The following GPR20 variants were observed in gnomAD, a reference collection of about 807,000 sequenced individuals.
GPR20 encodes the protein G protein-coupled receptor 20, also known as CTD-3064M3.3.
For missense variants in GPR20, 494 were observed against 527.4 expected (o/e 0.94, Z 0.62); for synonymous variants, 241 against 241.9 (o/e 1.00, Z 0.04).
At chr8:141,363,930 C>A (rs1394892484) in intron 1 of GPR20, among the ~76,000 whole-genome samples, 1 of 152,222 alleles carries the variant, frequency 6.6e-6, no homozygotes, top group African/African-American at 2.4e-5. Flanking sequence ...GAGGACGGGC[C>A]CAGCCTTTTC....
intron 1 of GPR20, among the ~76,000 whole-genome samples, chr8:141,362,125 G>A (rs1831743348): frequency 6.6e-6 from 1 of 152,192 alleles, no homozygotes; most frequent in Non-Finnish European, 1.5e-5. Flanking sequence ...GCTTCTGCAG[G>A]CGAAACTACT....
intron 1 of GPR20, among the ~76,000 whole-genome samples, chr8:141,360,523 C>T (rs894434360): frequency 2.0e-5 from 3 of 152,234 alleles, no homozygotes; most frequent in Admixed American, 2.0e-4. Flanking sequence ...CCACCTGCCT[C>T]CCACAGCGAC....
chr8:141,356,600 T>C lies in GPR20; in HGVS notation c.*247A>G. 1 of 427,804 alleles carries C rather than the reference T, an allele frequency of 2.3e-6. No homozygotes were observed. Among genetic ancestry groups the C allele is most frequent in the Non-Finnish European group, 4.1e-6 (1 of 242,766 alleles). The allele number at this position is 427,804 out of a possible 1,614,324, so 26.5% of individuals were successfully genotyped here. A position where few individuals can be genotyped will look rare whatever the true frequency, so the allele number is the denominator to read the frequency against. ...AGCTCCCGGCTACCCCTGTGAGTTT[T>C]CAGTGGACGTGCTATACCCCAGGAA... is the stretch of plus-strand genomic sequence containing the variant. On this transcript the variant is annotated 3_prime_UTR_variant, in exon 2 of 2. Coordinates refer to ENST00000377741, the MANE Select transcript of GPR20 (RefSeq NM_005293.3).
chr8:141,359,283 T>A (rs1831698839), intron 1 of GPR20, among the ~76,000 whole-genome samples: 1 of 152,114 alleles, frequency 6.6e-6, no homozygotes. Flanking sequence ...TGGGGAACAA[T>A]GAGCCCTGCC....
chr8:141,363,696 G>T (rs1396889528), intron 1 of GPR20, among the ~76,000 whole-genome samples: 1 of 152,240 alleles, frequency 6.6e-6, no homozygotes, highest in Non-Finnish European at 1.5e-5. Flanking sequence ...TGGCCGGTGG[G>T]TGGGGAGGGC....
chr8:141,359,847 G>A (rs984052402), intron 1 of GPR20, among the ~76,000 whole-genome samples: 9 of 152,344 alleles, frequency 5.9e-5, no homozygotes, highest in Admixed American at 1.3e-4. Flanking sequence ...AGGTCGAGGC[G>A]GCTTTGCAGC....
intron 1 of GPR20, among the ~76,000 whole-genome samples, chr8:141,360,236 C>CT (rs1831713051): frequency 6.6e-6 from 1 of 152,242 alleles, no homozygotes; most frequent in South Asian, 2.1e-4. Flanking sequence ...CACTAAGGGT[C>CT]TGACCCTGAT....
intron 1 of GPR20, 108 bp downstream of exon 1, chr8:141,367,093 A>C (rs1831825146): frequency 1.3e-5 from 2 of 151,216 alleles, no homozygotes; most frequent in Admixed American, 6.6e-5. Flanking sequence ...TGCCCTTCCC[A>C]CTCCTGCTTG....
chr8:141,358,791 C>G (rs964863691), intron 1 of GPR20, among the ~76,000 whole-genome samples: 1 of 152,226 alleles, frequency 6.6e-6, no homozygotes, highest in Non-Finnish European at 1.5e-5. Flanking sequence ...TATGATCCCC[C>G]CAAACTACAG....
At chr8:141,359,115 G>A (rs1475008133) in intron 1 of GPR20, among the ~76,000 whole-genome samples, 2 of 151,454 alleles carry the variant, frequency 1.3e-5, no homozygotes, top group Non-Finnish European at 2.9e-5. Context: ...GGGGCCAGCA[G>A]GGTGGGGAGG....
intron 1 of GPR20, among the ~76,000 whole-genome samples, chr8:141,366,547 A>C (rs764749776): frequency 1.3e-5 from 2 of 152,192 alleles, no homozygotes; most frequent in Non-Finnish European, 2.9e-5. Flanking sequence ...GTCCACACTG[A>C]GGGCTGGCAA....
intron 1 of GPR20, among the ~76,000 whole-genome samples, chr8:141,363,742 C>T (rs1563707641): frequency 1.3e-5 from 2 of 152,238 alleles, no homozygotes; most frequent in African/African-American, 4.8e-5. Context: ...CTCAAACCCA[C>T]CCCACCAACC....
intron 1 of GPR20, among the ~76,000 whole-genome samples, chr8:141,362,469 C>T (rs116881748): frequency 0.016 from 2,439 of 152,298 alleles, 27 homozygotes; most frequent in Non-Finnish European, 0.023. Flanking sequence ...GAGCAGCACC[C>T]GTCTTCCCCC....
chr8:141,360,184 C>T (rs554711489), intron 1 of GPR20, among the ~76,000 whole-genome samples: 38 of 152,236 alleles, frequency 2.5e-4, no homozygotes, highest in African/African-American at 8.7e-4. Context: ...GAGGCCAGAC[C>T]GGAGAGGAGA....
chr8:141,357,255 C>T lies in GPR20; in HGVS notation c.669G>A (p.Leu223=), dbSNP rs1019254831. Residue 223 remains leucine, a synonymous_variant, in exon 2 of 2, where the codon CTG becomes CTA. Transcript: ENST00000377741. ...SVFTGRIMCA[L]SRPGLLHQGR... ...CCTGGTGGAGCAGACCCGGCCGCGA[C>T]AGTGCACACATGATGCGGCCGGTAA... is the stretch of plus-strand genomic sequence containing the variant. 6 of 1,544,844 alleles carry T rather than the reference C, an allele frequency of 3.9e-6. No homozygotes were observed. The highest frequency in any genetic ancestry group is 2.7e-5 in the African/African-American group (2 of 73,248).
rs778160528 is a variant in GPR20, at chr8:141,357,927, G to A, written c.-4C>T. ...CCGCTGGAGACACAGAGGGCATGAC[G>A]GCAGCCAGCACACCCCAGGCCTGGA... is the stretch of plus-strand genomic sequence containing the variant. On this transcript the variant is annotated 5_prime_UTR_variant, in exon 2 of 2. Coordinates refer to ENST00000377741, the MANE Select transcript of GPR20 (RefSeq NM_005293.3). 1.8e-5 allele frequency: 28 copies of A among 1,514,120 alleles called. No individual in the cohort carries two copies. Among genetic ancestry groups the A allele is most frequent in the Middle Eastern group, 1.7e-4 (1 of 5,824 alleles). The allele number at this position is 1,514,120 out of a possible 1,614,324, so 93.8% of individuals were successfully genotyped here.
chr8:141,358,194 A>T (rs776297769), intron 1 of GPR20, among the ~76,000 whole-genome samples: 4 of 152,258 alleles, frequency 2.6e-5, no homozygotes, highest in African/African-American at 4.8e-5. Context: ...GGCACTTGCC[A>T]GCGTGGAGAC....
At chr8:141,363,925 C>T (rs908502435) in intron 1 of GPR20, among the ~76,000 whole-genome samples, 2 of 152,232 alleles carry the variant, frequency 1.3e-5, no homozygotes, top group Non-Finnish European at 2.9e-5. Context: ...GTGTGGAGGA[C>T]GGGCCCAGCC....
At chr8:141,361,839 C>T (rs2154616602) in intron 1 of GPR20, among the ~76,000 whole-genome samples, 1 of 152,246 alleles carries the variant, frequency 6.6e-6, no homozygotes, top group Non-Finnish European at 1.5e-5. Flanking sequence ...TCTGGCCCAC[C>T]CTTCCGGGTG....
Sources: allele counts gnomAD v4.1 joint callset (sites outside exome capture counted in the v4.1 genomes callset), GRCh38; gene constraint gnomAD v4.1.1; transcripts MANE v1.5; gene names NCBI Gene and HGNC (gene_info 2026-07-23, HGNC 2026-07-21).